SULF2: variants seen among roughly 807,000 people sequenced by gnomAD.
SULF2 encodes the protein sulfatase 2, also known as extracellular sulfatase Sulf-2.
Under a neutral mutation model 107.7 loss-of-function variants are expected in SULF2, and 52 were observed. That is an observed-to-expected ratio of 0.48 (90% CI 0.39 to 0.61). The LOEUF (loss-of-function observed/expected upper bound fraction) is 0.61, where lower values mean the gene tolerates loss of function less well. Ranked by LOEUF, SULF2 falls within the 20% of genes least tolerant of loss-of-function variation. SULF2 has a pLI of 0.00. For synonymous variants in SULF2, 460 were observed against 464.3 expected (o/e 0.99, Z 0.12); for missense variants, 993 against 1,177.3 (o/e 0.84, Z 2.29).
chr20:47,729,792 G>C (rs1167340459), intron 3 of SULF2, among the ~76,000 whole-genome samples: 1 of 152,122 alleles, frequency 6.6e-6, no homozygotes, highest in Non-Finnish European at 1.5e-5. Flanking sequence ...AGGGCAAGGG[G>C]CTAAGGGTAG....
At chr20:47,739,323 G>A (rs139133601) in intron 2 of SULF2, among the ~76,000 whole-genome samples, 2 of 152,238 alleles carry the variant, frequency 1.3e-5, no homozygotes, top group South Asian at 2.1e-4. Context: ...GCAGCCTCCT[G>A]GGATCTGGGG....
chr20:47,776,305 A>AGC (rs1181621324), intron 1 of SULF2, among the ~76,000 whole-genome samples: 1 of 152,230 alleles, frequency 6.6e-6, no homozygotes, highest in East Asian at 1.9e-4. Context: ...AGCTGAACAG[A>AGC]GCCCCTGGTT....
At chr20:47,736,507 C>T (rs967624384) in intron 3 of SULF2, among the ~76,000 whole-genome samples, 196 bp downstream of exon 3, 3 of 152,246 alleles carry the variant, frequency 2.0e-5, no homozygotes, top group African/African-American at 4.8e-5. Flanking sequence ...GGTCACTTTA[C>T]ATCACTACTG....
chr20:47,776,606 G>C (rs2090730033), intron 1 of SULF2, among the ~76,000 whole-genome samples: 1 of 152,160 alleles, frequency 6.6e-6, no homozygotes, highest in South Asian at 2.1e-4. Context: ...CTTTTCAAGG[G>C]CACATGCAGA....
intron 2 of SULF2, among the ~76,000 whole-genome samples, chr20:47,738,814 T>C (rs1012003427): frequency 6.6e-6 from 1 of 152,176 alleles, no homozygotes; most frequent in African/African-American, 2.4e-5. Flanking sequence ...CTCGGGTATA[T>C]CTTTATCAGC....
intron 1 of SULF2, among the ~76,000 whole-genome samples, chr20:47,780,704 C>A (rs1184352529): frequency 6.6e-6 from 1 of 152,152 alleles, no homozygotes; most frequent in Non-Finnish European, 1.5e-5. Flanking sequence ...CAGGCAAGCA[C>A]CATCACACCT....
intron 3 of SULF2, among the ~76,000 whole-genome samples, chr20:47,714,031 C>T (rs960979130): frequency 1.3e-5 from 2 of 152,036 alleles, no homozygotes; most frequent in African/African-American, 2.4e-5. Flanking sequence ...AGCGCGGAGC[C>T]GAGCCAATGA....
chr20:47,658,519 TAGAACG>T (rs2086966213), intron 20 of SULF2, 127 bp from the exon 21 acceptor site: 1 of 1,042,346 alleles, frequency 9.6e-7, no homozygotes, highest in African/African-American at 1.6e-5. Flanking sequence ...CTAGGTTACT[TAGAACG>T]GGATTGCCAC....
chr20:47,754,632 C>G (rs117072065), intron 2 of SULF2, among the ~76,000 whole-genome samples: 2 of 152,180 alleles, frequency 1.3e-5, no homozygotes, highest in African/African-American at 4.8e-5. Context: ...CTAAACCCAC[C>G]GCATCCACCT....
chr20:47,690,361 T>A, intron 4 of SULF2, 66 bp from the exon 5 acceptor site: 1 of 1,287,278 alleles, frequency 7.8e-7, no homozygotes, highest in South Asian at 2.4e-5. Flanking sequence ...GTCCACTACG[T>A]GCCAGGCACC....
chr20:47,671,318 T>A (rs1030995768), intron 11 of SULF2, among the ~76,000 whole-genome samples: 4 of 152,156 alleles, frequency 2.6e-5, no homozygotes, highest in African/African-American at 9.7e-5. Flanking sequence ...TATTTTTTAT[T>A]TTTTTTGAGA....
intron 1 of SULF2, 80 bp from the exon 2 acceptor site, chr20:47,757,543 G>A (rs1340555108): frequency 3.4e-5 from 24 of 711,016 alleles, no homozygotes; most frequent in South Asian, 6.4e-5. Flanking sequence ...TTTGTATGGC[G>A]GCTGGCATGA....
rs889129946 is a variant in SULF2 at position 47,695,342 on chromosome 20, G to C, written c.568-5047C>G. 2.2e-4 allele frequency among the ~76,000 whole-genome samples: 33 copies of C among 152,280 alleles called. 1 individual carries two copies. In the South Asian group the frequency reaches 2.9e-3, roughly 13 times the overall value. ...AACAAAGTTTTATCTGTGAAGTAGA[G>C]TACTGTTAACTCTAAGCACCATGTT... On this transcript the variant is annotated intron_variant, in intron 4 of 20. Coordinates refer to ENST00000688720, the MANE Select transcript of SULF2 (RefSeq NM_001387048.1).
chr20:47,781,295 C>A (rs1015939909), intron 1 of SULF2, among the ~76,000 whole-genome samples: 9 of 152,246 alleles, frequency 5.9e-5, no homozygotes, highest in African/African-American at 2.2e-4. Context: ...GGCCCATCAT[C>A]GCAGGCACTG....
At chr20:47,735,648 A>G (rs1340238632) in intron 3 of SULF2, among the ~76,000 whole-genome samples, 1 of 152,152 alleles carries the variant, frequency 6.6e-6, no homozygotes, top group African/African-American at 2.4e-5. Flanking sequence ...CGCACAATAC[A>G]CAGGAACAAG....
chr20:47,699,293 T>C (rs1281700305), intron 4 of SULF2, among the ~76,000 whole-genome samples: 3 of 152,114 alleles, frequency 2.0e-5, no homozygotes, highest in Non-Finnish European at 4.4e-5. Context: ...CAGCAGGCTC[T>C]CAATGAATAC....
At chr20:47,711,081 C>T (rs751164051) in intron 3 of SULF2, among the ~76,000 whole-genome samples, 6 of 152,202 alleles carry the variant, frequency 3.9e-5, no homozygotes, top group South Asian at 2.1e-4. Context: ...AAGCAAGCCA[C>T]GGACAATGGG....
rs2087220383 is a variant in SULF2, at chr20:47,665,208, T to C, written c.1988A>G (p.His663Arg). The change falls in exon 14 of 21, where the codon CAC becomes CGC. Residue 663 changes from histidine (H) to arginine (R), a missense_variant. His to Arg is a conservative substitution (Grantham distance 29). Coordinates refer to ENST00000688720, the MANE Select transcript of SULF2 (RefSeq NM_001387048.1). Reference sequence around the variant, plus strand: ...TTTGCTACTGCCTCACCTGATTTTGTGACAGTCACATTCTTCTGGCCGCTT... The same window carrying C: ...TTTGCTACTGCCTCACCTGATTTTGCGACAGTCACATTCTTCTGGCCGCTT... ...KKKRPEECDCHKISYHTQHKG... is the reference protein window; with the variant it reads ...KKKRPEECDCRKISYHTQHKG... The C allele has an allele frequency of 1.2e-6, 2 of 1,612,968 alleles. No individual in the cohort carries two copies. The highest frequency in any genetic ancestry group is 1.3e-5 in the African/African-American group (1 of 74,922).
In SULF2 at chr20:47,757,362, ATCT is replaced by A. The variant is rs752920353; in HGVS notation, c.-2_1del. The A allele has an allele frequency of 2.3e-5, 36 of 1,583,124 alleles. No individual in the cohort carries two copies. In the African/African-American group the frequency reaches 2.8e-4, roughly 12 times the overall value. The stretch of plus-strand genomic sequence containing the variant: ...GCACAGCACGAGGCTCGGGGGGCCC[ATCT>A]TCTTTTTTTGCTGATCTGGTGCTTC... On this transcript the variant is annotated start_lost and start_retained_variant and 5_prime_UTR_variant, in exon 2 of 21. Transcript: ENST00000688720.
Sources: allele counts gnomAD v4.1 joint callset (sites outside exome capture counted in the v4.1 genomes callset), GRCh38; gene constraint gnomAD v4.1.1; transcripts MANE v1.5; gene names NCBI Gene and HGNC (gene_info 2026-07-23, HGNC 2026-07-21).